Variants in SLC4A8 observed in about 807,000 individuals in gnomAD.
The protein encoded by SLC4A8 is electroneutral sodium bicarbonate exchanger 1.
SLC4A8 carries 40 observed loss-of-function variants against 125.0 expected under a neutral mutation model. That is an observed-to-expected ratio of 0.32 (90% CI 0.25 to 0.42). SLC4A8 has a LOEUF of 0.42. SLC4A8 is among the 10% of genes least tolerant of loss of function. SLC4A8 has a pLI of 1.00. For synonymous variants in SLC4A8, 456 were observed against 476.0 expected, an observed-to-expected ratio of 0.96 and a Z score of 0.55; for missense variants, 863 against 1,355.1, an observed-to-expected ratio of 0.64 and a Z score of 5.70.
chr12:51,432,279 C>T (rs1405381986), intron 1 of SLC4A8, among the ~76,000 whole-genome samples: 4 of 151,230 alleles, frequency 2.6e-5, no homozygotes, highest in East Asian at 2.0e-4. Flanking sequence ...GGTGTGGTGG[C>T]GGGCGCCTGT....
intron 1 of SLC4A8, among the ~76,000 whole-genome samples, chr12:51,435,056 G>A (rs1005439622): frequency 3.3e-5 from 5 of 152,088 alleles, no homozygotes; most frequent in Admixed American, 6.6e-5. Flanking sequence ...GTATTCCCAT[G>A]GTGTTGTTTT....
At chr12:51,414,794 G>A (rs754607783) in intron 1 of SLC4A8, among the ~76,000 whole-genome samples, 2 of 152,126 alleles carry the variant, frequency 1.3e-5, no homozygotes, top group African/African-American at 4.8e-5. Flanking sequence ...ATTAGGTGTG[G>A]ATTTATTACA....
At chr12:51,444,961 AAGG>A (rs1328339127) in intron 2 of SLC4A8, among the ~76,000 whole-genome samples, 1 of 152,214 alleles carries the variant, frequency 6.6e-6, no homozygotes, top group Non-Finnish European at 1.5e-5. Flanking sequence ...CTCAAGGAGC[AAGG>A]AGAAGTAGAG....
In SLC4A8 at chr12:51,400,761, TATATATATATATATATAC is replaced by T. The variant is rs1473476087; in HGVS notation, c.-112+9277_-112+9294del. Among the ~76,000 whole-genome samples the T allele has an allele frequency of 1.7e-3, 14 of 8,176 alleles. 1 individual carries two copies. Among genetic ancestry groups the T allele is most frequent in the African/African-American group, 5.1e-3 (12 of 2,340 alleles). The allele number at this position is 8,176 out of a possible 152,430, so 5.4% of individuals were successfully genotyped here. A position where few individuals can be genotyped will look rare whatever the true frequency, so the allele number is the denominator to read the frequency against. On this transcript the variant is annotated intron_variant, in intron 1 of 24. Coordinates refer to the SLC4A8 transcript ENST00000358657. ...ATATATATATATATATATATATATA[TATATATATATATATATAC>T]ATACATACACACACACACACACATA...
At chr12:51,451,065 G>A (rs1406116479) in intron 3 of SLC4A8, 43 bp downstream of exon 3, 1 of 1,405,626 alleles carries the variant, frequency 7.1e-7, no homozygotes, top group South Asian at 1.6e-5. Flanking sequence ...TGGCCCAGGG[G>A]AATGGGGAGG....
intron 5 of SLC4A8, among the ~76,000 whole-genome samples, chr12:51,456,394 T>C (rs192791605): frequency 6.6e-6 from 1 of 152,294 alleles, no homozygotes; most frequent in East Asian, 1.9e-4. Context: ...GAATTAGAAA[T>C]TGAGGATAGG....
At position 51,471,548 on chromosome 12, in the gene SLC4A8, G is replaced by A. The variant is rs1313040808; in HGVS notation, c.1904+16G>A. ...GCCTCTATTAGTAAGTGTGCTTTCT[G>A]CTTATTTTTAAAAATTGAGCAAAGG... is the stretch of plus-strand genomic sequence containing the variant. On this transcript the variant is annotated intron_variant, in intron 14 of 24. Transcript: ENST00000453097. 1 of 1,607,414 alleles carries A rather than the reference G, an allele frequency of 6.2e-7. No individual in the cohort carries two copies. Among genetic ancestry groups the A allele is most frequent in the East Asian group, 2.2e-5 (1 of 44,804 alleles).
In SLC4A8 at chr12:51,450,889, G is replaced by A. The variant is rs146534549; in HGVS notation, c.144G>A (p.Leu48=). Residue 48 remains leucine (L), a synonymous_variant, in exon 3 of 25, where the codon CTG becomes CTA. Transcript: ENST00000453097. The stretch of plus-strand genomic sequence containing the variant: ...GCTTCTTTCCAGGTCACAGAACTCT[G>A]TATGTGGGAGTTCGGATGCCGCTTG... ...EKEELEGHRT[L]YVGVRMPLGR... is the part of the protein sequence containing the mutation. 92 of 1,613,348 alleles carry A rather than the reference G, an allele frequency of 5.7e-5. No homozygotes were observed. The African/African-American group carries it at 8.7e-4, about 15-fold the overall frequency.
At chr12:51,469,530 T>C in intron 11 of SLC4A8, 84 bp from the exon 12 acceptor site, 1 of 1,269,934 alleles carries the variant, frequency 7.9e-7, no homozygotes, top group Admixed American at 2.0e-5. Flanking sequence ...CAGAGCACAT[T>C]TGAAATGCTT....
Position 51,485,804 on chromosome 12 carries a change from T to C in SLC4A8, c.2190T>C (p.Ser730=). The change falls in exon 17 of 25, where the codon AGT becomes AGC. Residue 730 remains serine, a synonymous_variant. Coordinates refer to ENST00000453097, the MANE Select transcript of SLC4A8 (RefSeq NM_001039960.3). ...CATGCCAGGTACGCTCCATGGTGAG[T>C]GACTTTGCTGTTTTCCTCACTATCT... ...YFPTRVRSMV[S]DFAVFLTIFT... is the part of the protein sequence containing the mutation. The C allele has an allele frequency of 6.2e-7, 1 of 1,610,788 alleles. No individual in the cohort carries two copies. Among genetic ancestry groups the C allele is most frequent in the Non-Finnish European group, 8.5e-7 (1 of 1,176,978 alleles).
At chr12:51,425,412 C>G in intron 1 of SLC4A8, 3 of 1,060,200 alleles carry the variant, frequency 2.8e-6, no homozygotes, top group Non-Finnish European at 2.3e-6. Context: ...GGACCTTGCT[C>G]TGGTGGGGCA....
At chr12:51,506,400 G>A (rs571362918) in intron 24 of SLC4A8, among the ~76,000 whole-genome samples, 2 of 148,166 alleles carry the variant, frequency 1.3e-5, no homozygotes. Context: ...ATTGTAACTG[G>A]TTTTTTTTTT....
intron 22 of SLC4A8, among the ~76,000 whole-genome samples, chr12:51,498,452 T>C (rs1937668200): frequency 6.6e-6 from 1 of 151,890 alleles, no homozygotes; most frequent in South Asian, 2.1e-4. Flanking sequence ...TGAAAATAAA[T>C]ATTAAAAAAT....
chr12:51,433,856 T>TTTTG (rs1949286846), intron 1 of SLC4A8, among the ~76,000 whole-genome samples: 1 of 58,280 alleles, frequency 1.7e-5, no homozygotes, highest in Admixed American at 1.6e-4. Context: ...CATCTGTTTT[T>TTTTG]TTTTTTTTTT....
rs1194175405 is a variant in SLC4A8 at position 51,514,838 on chromosome 12, T to C, written c.*7400T>C. 6.6e-6 allele frequency: 1 copy of C among 152,112 alleles called. No homozygotes were observed. The highest frequency in any genetic ancestry group is 1.5e-5 in the Non-Finnish European group (1 of 68,016). The allele number at this position is 152,112 out of a possible 1,614,324, so 9.4% of individuals were successfully genotyped here. A position where few individuals can be genotyped will look rare whatever the true frequency, so the allele number is the denominator to read the frequency against. On this transcript the variant is annotated 3_prime_UTR_variant, in exon 25 of 25. Transcript: ENST00000453097. ...AAAGGAAGTATATTACTGCTTGAAG[T>C]GTGAAAAGAGGAAAGGAGTGTTATG...
chr12:51,486,615 C>T (rs1246111788), intron 17 of SLC4A8, among the ~76,000 whole-genome samples: 1 of 152,084 alleles, frequency 6.6e-6, no homozygotes, highest in Non-Finnish European at 1.5e-5. Context: ...TTCTATAGAG[C>T]CCCATAGGGT....
intron 11 of SLC4A8, among the ~76,000 whole-genome samples, chr12:51,465,684 T>C (rs987369400): frequency 6.6e-6 from 1 of 152,182 alleles, no homozygotes; most frequent in Non-Finnish European, 1.5e-5. Context: ...TGCTTCCTCT[T>C]TCTGAGCTTC....
At chr12:51,453,843 C>A in intron 5 of SLC4A8, 144 bp downstream of exon 5, 2 of 477,582 alleles carry the variant, frequency 4.2e-6, no homozygotes, top group South Asian at 2.1e-5. Context: ...ATGTCCTTGG[C>A]TGTGGGAAGG....
intron 1 of SLC4A8, chr12:51,391,826 C>T (rs1252895436): frequency 2.0e-5 from 3 of 152,440 alleles, no homozygotes; most frequent in Non-Finnish European, 2.9e-5. Flanking sequence ...TTCTCTGCGT[C>T]TCAGCCCGCC....
Sources: allele counts gnomAD v4.1 joint callset (sites outside exome capture counted in the v4.1 genomes callset), GRCh38; gene constraint gnomAD v4.1.1; transcripts MANE v1.5; gene names NCBI Gene and HGNC (gene_info 2026-07-23, HGNC 2026-07-21).